Variants in AFG2A observed in about 807,000 individuals in gnomAD.
AFG2A encodes ATPase family gene 2 protein homolog A.
the AFG2A span, among the ~76,000 whole-genome samples, chr4:123,081,009 T>C: frequency 1.3e-5 from 2 of 152,114 alleles, no homozygotes; most frequent in African/African-American, 4.8e-5. Context: ...AGTACTCATA[T>C]ATACTCTGTC....
the AFG2A span, among the ~76,000 whole-genome samples, chr4:123,046,707 C>T: frequency 6.6e-6 from 1 of 152,000 alleles, no homozygotes; most frequent in Non-Finnish European, 1.5e-5. Flanking sequence ...ACTATGATGT[C>T]TCTACTGTAC....
chr4:123,318,030 T>C, the AFG2A span: 5 of 152,324 alleles, frequency 3.3e-5, no homozygotes, highest in South Asian at 4.1e-4. Flanking sequence ...GTCTGTACTT[T>C]TTGTGTACCT....
At chr4:123,106,255 A>G in the AFG2A span, among the ~76,000 whole-genome samples, 5 of 152,174 alleles carry the variant, frequency 3.3e-5, no homozygotes, top group African/African-American at 1.2e-4. Context: ...TTTTTCCCCC[A>G]TACATATTGG....
chr4:123,215,190 A>T, the AFG2A span, among the ~76,000 whole-genome samples: 1 of 152,108 alleles, frequency 6.6e-6, no homozygotes, highest in Non-Finnish European at 1.5e-5. Flanking sequence ...AATACATGTA[A>T]TGATTTTTTA....
chr4:123,041,822 C>A, the AFG2A span, among the ~76,000 whole-genome samples: 1 of 152,166 alleles, frequency 6.6e-6, no homozygotes, highest in Non-Finnish European at 1.5e-5. Context: ...TCCACTGCAT[C>A]TGGCCTGAAA....
the AFG2A span, among the ~76,000 whole-genome samples, chr4:122,938,423 A>G: frequency 6.6e-6 from 1 of 152,250 alleles, no homozygotes; most frequent in East Asian, 1.9e-4. Flanking sequence ...TAGATTACTT[A>G]GTAACTGCTA....
the AFG2A span, among the ~76,000 whole-genome samples, chr4:123,025,731 A>G: frequency 6.6e-6 from 1 of 152,172 alleles, no homozygotes; most frequent in Non-Finnish European, 1.5e-5. Flanking sequence ...CATTCCCTGC[A>G]AACGTTGTTG....
At chr4:122,943,839 A>C in the AFG2A span, among the ~76,000 whole-genome samples, 4 of 152,178 alleles carry the variant, frequency 2.6e-5, no homozygotes, top group Non-Finnish European at 4.4e-5. Flanking sequence ...TGGTGGTGAC[A>C]AAATCTCTCA....
At chr4:123,113,887 T>C in the AFG2A span, among the ~76,000 whole-genome samples, 1 of 152,102 alleles carries the variant, frequency 6.6e-6, no homozygotes, top group Non-Finnish European at 1.5e-5. Flanking sequence ...GCAGGTCATC[T>C]CGTTGAGTGT....
chr4:123,093,499 C>A, the AFG2A span, among the ~76,000 whole-genome samples: 1 of 152,246 alleles, frequency 6.6e-6, no homozygotes, highest in Admixed American at 6.5e-5. Context: ...GCTTTTGTTG[C>A]CATCTGCTGG....
At chr4:123,090,487 CTT>C in the AFG2A span, 1 of 1,379,630 alleles carries the variant, frequency 7.2e-7, no homozygotes, top group Non-Finnish European at 9.7e-7. Flanking sequence ...CATGATTTCT[CTT>C]GTTATAGACT....
At chr4:123,143,918 C>T in the AFG2A span, among the ~76,000 whole-genome samples, 2 of 150,944 alleles carry the variant, frequency 1.3e-5, no homozygotes, top group African/African-American at 4.9e-5. Flanking sequence ...AGTCAGGCCT[C>T]ACCAGCAACA....
At chr4:123,167,836 C>T in the AFG2A span, among the ~76,000 whole-genome samples, 1,090 of 152,140 alleles carry the variant, frequency 7.2e-3, 9 homozygotes, top group African/African-American at 0.024. Flanking sequence ...ATCAGGTAAC[C>T]AGTACTTTAT....
chr4:122,974,884 C>T, the AFG2A span, among the ~76,000 whole-genome samples: 1 of 152,256 alleles, frequency 6.6e-6, no homozygotes, highest in East Asian at 1.9e-4. Flanking sequence ...AGGTGATCCG[C>T]TTGCCTTGGC....
the AFG2A span, among the ~76,000 whole-genome samples, chr4:122,996,500 GA>G: frequency 6.6e-6 from 1 of 152,074 alleles, no homozygotes; most frequent in Non-Finnish European, 1.5e-5. Context: ...TGGATGGATG[GA>G]TAGATGGGTG....
At chr4:123,026,262 T>G in the AFG2A span, among the ~76,000 whole-genome samples, 3 of 151,856 alleles carry the variant, frequency 2.0e-5, no homozygotes, top group Non-Finnish European at 4.4e-5. Flanking sequence ...TGTGCTGGAG[T>G]GAGGATTTGA....
At chr4:123,210,034 A>G in the AFG2A span, among the ~76,000 whole-genome samples, 1 of 152,088 alleles carries the variant, frequency 6.6e-6, no homozygotes, top group Non-Finnish European at 1.5e-5. Context: ...ACTTTGGGAA[A>G]TATTCCCTAA....
At chr4:122,981,963 T>TG in the AFG2A span, among the ~76,000 whole-genome samples, 1 of 152,114 alleles carries the variant, frequency 6.6e-6, no homozygotes, top group Non-Finnish European at 1.5e-5. Flanking sequence ...GACAATTTTT[T>TG]TCTTCTTTTT....
At chr4:123,001,767 G>T in the AFG2A span, among the ~76,000 whole-genome samples, 2 of 152,180 alleles carry the variant, frequency 1.3e-5, no homozygotes, top group African/African-American at 4.8e-5. Flanking sequence ...GTGCTGAGAA[G>T]AATGTATATT....
Sources: gnomAD v4.1 joint callset for allele counts (sites outside exome capture counted in the v4.1 genomes callset) on GRCh38, gnomAD v4.1.1 for gene constraint, MANE v1.5 for transcripts, NCBI Gene and HGNC (gene_info 2026-07-23, HGNC 2026-07-21) for gene names.